ALDH18A1: variants seen among roughly 807,000 people sequenced by gnomAD.
ALDH18A1 encodes delta-1-pyrroline-5-carboxylate synthase.
A neutral mutation model predicts 88.8 loss-of-function variants in ALDH18A1; 44 were observed. The observed-to-expected ratio is 0.50, with a 90% CI of 0.39 to 0.64. ALDH18A1 has a LOEUF of 0.64. Among genes scored for constraint, ALDH18A1 ranks in the 30% least tolerant of loss-of-function variants. ALDH18A1 has a pLI of 0.00. For synonymous variants in ALDH18A1, 331 were observed against 372.1 expected, an observed-to-expected ratio of 0.89 and a Z score of 1.27; for missense variants, 782 against 1,009.5, an observed-to-expected ratio of 0.77 and a Z score of 3.05.
chr10:95,623,661 G>T (rs977237174), intron 11 of ALDH18A1, among the ~76,000 whole-genome samples: 1 of 152,130 alleles, frequency 6.6e-6, no homozygotes, highest in Non-Finnish European at 1.5e-5. Context: ...TGCCTCCCGA[G>T]TTCAAGCGAT....
Position 95,653,681 on chromosome 10 carries a change from A to G in ALDH18A1, c.-28-276T>C, listed in dbSNP as rs75277298. On this transcript the variant is annotated intron_variant, in intron 1 of 17. Transcript: ENST00000371224. ...ACAAAAAACACCTGCTCTTTTTGGT[A>G]TCTTCCAAATTTAAAAAAAATCTTT... Among the ~76,000 whole-genome samples, 246 of 152,352 alleles carry G rather than the reference A, an allele frequency of 1.6e-3. 4 individuals carry two copies. The East Asian group carries it at 0.041, about 26-fold the overall frequency.
intron 3 of ALDH18A1, among the ~76,000 whole-genome samples, chr10:95,640,319 T>C (rs2097889058): frequency 6.6e-6 from 1 of 151,762 alleles, no homozygotes; most frequent in Admixed American, 6.6e-5. Context: ...TTAAACATAT[T>C]TTGTTGTATT....
intron 7 of ALDH18A1, among the ~76,000 whole-genome samples, chr10:95,630,537 C>A (rs996640175): frequency 2.0e-5 from 3 of 152,072 alleles, no homozygotes; most frequent in Non-Finnish European, 2.9e-5. Context: ...ATGGTGAAAC[C>A]CCTTCTCTAC....
intron 7 of ALDH18A1, among the ~76,000 whole-genome samples, chr10:95,630,326 A>G (rs1223529375): frequency 2.6e-5 from 4 of 152,234 alleles, no homozygotes; most frequent in Admixed American, 6.5e-5. Flanking sequence ...TAGCCTACCC[A>G]CTACCTACTT....
intron 11 of ALDH18A1, among the ~76,000 whole-genome samples, chr10:95,622,296 C>G (rs915300999): frequency 6.6e-6 from 1 of 152,066 alleles, no homozygotes; most frequent in Non-Finnish European, 1.5e-5. Context: ...CTCCGGGGCT[C>G]AAGTGATCCT....
intron 13 of ALDH18A1, among the ~76,000 whole-genome samples, chr10:95,614,393 C>T (rs2097841052): frequency 6.6e-6 from 1 of 152,222 alleles, no homozygotes; most frequent in African/African-American, 2.4e-5. Flanking sequence ...TCACATATCA[C>T]GCAGGACACT....
chr10:95,614,677 G>A (rs2097841403), intron 13 of ALDH18A1, among the ~76,000 whole-genome samples: 1 of 152,184 alleles, frequency 6.6e-6, no homozygotes, highest in Admixed American at 6.5e-5. Context: ...ACCCTGGGAT[G>A]TGGATTAGAA....
chr10:95,613,825 C>T lies in ALDH18A1; in HGVS notation c.1840G>A (p.Ala614Thr). Residue 614 changes from alanine (A) to threonine (T), a missense_variant, in exon 15 of 18, where the codon GCT becomes ACT. By Grantham distance (58) the Ala-to-Thr change is moderately conservative. Around this residue, in one of 3 missense-constraint regions of ALDH18A1, gnomAD observed 556 missense variants for 654.5 expected, o/e 0.85. Transcript: ENST00000371224. ...CGGTGGATTAACAAAGTCTCCAAAG[C>T]ATTACAGGCAGCTGGATATTCACAT... ...SKCEYPAACNALETLLIHRDL... is the reference protein window; with the variant it reads ...SKCEYPAACNTLETLLIHRDL... 6.2e-7 allele frequency: 1 copy of T among 1,614,104 alleles called. No homozygotes were observed. Among genetic ancestry groups the T allele is most frequent in the South Asian group, 1.1e-5 (1 of 91,078 alleles).
intron 11 of ALDH18A1, among the ~76,000 whole-genome samples, chr10:95,623,464 G>A (rs756350510): frequency 3.9e-5 from 6 of 151,904 alleles, no homozygotes; most frequent in Non-Finnish European, 8.8e-5. Context: ...CTGGAGTGCA[G>A]TAGCGCAATC....
chr10:95,633,812 C>CTTTTTT lies in ALDH18A1; in HGVS notation c.559-169_559-164dup, dbSNP rs869056809. 2.9e-4 allele frequency among the ~76,000 whole-genome samples: 30 copies of CTTTTTT among 103,272 alleles called. 1 individual carries two copies. Among genetic ancestry groups the CTTTTTT allele is most frequent in the East Asian group, 6.7e-4 (2 of 2,984 alleles). 67.8% of individuals were successfully genotyped at this position (103,272 alleles called of 152,430 possible). A position where few individuals can be genotyped will look rare whatever the true frequency, so the allele number is the denominator to read the frequency against. ...ACACATATCTGGGTGCTATCCAATT[C>CTTTTTT]TTTTTTTTTTTTTTTTTTTTTTGAG... On this transcript the variant is annotated intron_variant, in intron 5 of 17. Transcript: ENST00000371224.
chr10:95,650,379 C>T (rs1000525412), intron 2 of ALDH18A1, among the ~76,000 whole-genome samples: 1 of 152,192 alleles, frequency 6.6e-6, no homozygotes, highest in Non-Finnish European at 1.5e-5. Context: ...TATGGTTTGG[C>T]CCTTCCAAGT....
intron 1 of ALDH18A1, among the ~76,000 whole-genome samples, chr10:95,655,587 T>G (rs530118324): frequency 6.7e-6 from 1 of 150,142 alleles, no homozygotes; most frequent in African/African-American, 2.4e-5. Context: ...AAACCAAGCC[T>G]CCTGACCTCT....
chr10:95,637,244 A>C, intron 4 of ALDH18A1, 43 bp downstream of exon 4: 1 of 1,614,246 alleles, frequency 6.2e-7, no homozygotes, highest in Non-Finnish European at 8.5e-7. Flanking sequence ...TGAGGGAAGA[A>C]GACCTGAAGA....
intron 8 of ALDH18A1, among the ~76,000 whole-genome samples, chr10:95,628,043 A>G (rs987983951): frequency 5.3e-5 from 8 of 152,238 alleles, no homozygotes; most frequent in African/African-American, 1.9e-4. Flanking sequence ...ATGGGACACA[A>G]TTTTTGAAAG....
chr10:95,608,829 C>A (rs1039606556), intron 17 of ALDH18A1, among the ~76,000 whole-genome samples: 3 of 152,154 alleles, frequency 2.0e-5, no homozygotes, highest in Non-Finnish European at 4.4e-5. Flanking sequence ...TGAAATAATT[C>A]TCAAATATTC....
In ALDH18A1 at chr10:95,610,308, G is replaced by A. The variant is rs376649056; in HGVS notation, c.2111-16C>T. On this transcript the variant is annotated splice_polypyrimidine_tract_variant and intron_variant, in intron 16 of 17. Transcript: ENST00000371224. ...GCTGTGTTTTCTGCAGGGTGAAGAA[G>A]GAGAAACCAAGTTAGGATGATACCC... 11 of 1,612,746 alleles carry A rather than the reference G, an allele frequency of 6.8e-6. No individual in the cohort carries two copies. The African/African-American group carries it at 1.5e-4, about 22-fold the overall frequency.
chr10:95,647,912 G>C (rs2097903846), intron 2 of ALDH18A1, among the ~76,000 whole-genome samples: 1 of 152,184 alleles, frequency 6.6e-6, no homozygotes, highest in African/African-American at 2.4e-5. Context: ...GCCCCGGAAG[G>C]GCATGGAAGA....
chr10:95,649,726 T>A (rs1201378085), intron 2 of ALDH18A1, among the ~76,000 whole-genome samples: 1 of 151,664 alleles, frequency 6.6e-6, no homozygotes, highest in African/African-American at 2.4e-5. Context: ...ACAAAAAATA[T>A]AAAAATTAGC....
intron 2 of ALDH18A1, among the ~76,000 whole-genome samples, chr10:95,651,706 C>T (rs2097910725): frequency 6.6e-6 from 1 of 152,146 alleles, no homozygotes; most frequent in South Asian, 2.1e-4. Flanking sequence ...ATCTCAAGGA[C>T]AGCACCAAGG....
Sources: gnomAD v4.1 joint callset for allele counts (sites outside exome capture counted in the v4.1 genomes callset) on GRCh38, gnomAD v4.1.1 for gene constraint, gnomAD v4.1.1 regional missense constraint, MANE v1.5 for transcripts, NCBI Gene and HGNC (gene_info 2026-07-23, HGNC 2026-07-21) for gene names.